Variants in FANK1 observed in about 807,000 individuals in gnomAD.
The protein encoded by FANK1 is fibronectin type III and ankyrin repeat domains 1.
FANK1 carries 44 observed loss-of-function variants against 45.3 expected under a neutral mutation model. The ratio of observed to expected loss-of-function variants is 0.97; its 90% confidence interval spans 0.76 to 1.25. FANK1 has a LOEUF of 1.25. Ranked by LOEUF, FANK1 falls within the 50% of genes most tolerant of loss-of-function variation. FANK1 has a pLI of 0.00. For missense variants in FANK1, 391 were observed against 424.4 expected (o/e 0.92, Z 0.69); for synonymous variants, 149 against 152.5 (o/e 0.98, Z 0.17).
In FANK1 at chr10:125,946,973, A is replaced by G. The variant is rs879690154; in HGVS notation, c.14-33188A>G. On this transcript the variant is annotated intron_variant, in intron 1 of 10. Coordinates refer to ENST00000368693, the MANE Select transcript of FANK1 (RefSeq NM_145235.5). ...GGGCCAATATTCAACATTCTTAAAG[A>G]AAAGAATTTTCAACCCAGAATTTCA... 4.1e-3 allele frequency among the ~76,000 whole-genome samples: 591 copies of G among 145,178 alleles called. 1 individual carries two copies. The highest frequency in any genetic ancestry group is 0.011 in the Middle Eastern group (3 of 284).
intron 1 of FANK1, among the ~76,000 whole-genome samples, chr10:125,901,181 CTT>C (rs928273124): frequency 6.6e-6 from 1 of 152,142 alleles, no homozygotes; most frequent in Non-Finnish European, 1.5e-5. Flanking sequence ...GGGACTGAGA[CTT>C]CTCTCTCCAA....
chr10:125,977,020 T>C (rs182835909), intron 1 of FANK1, among the ~76,000 whole-genome samples: 8 of 152,308 alleles, frequency 5.3e-5, no homozygotes, highest in Admixed American at 5.2e-4. Context: ...CATTTTACTG[T>C]GATTGTTCTT....
chr10:125,944,396 G>T (rs571816741), intron 1 of FANK1, among the ~76,000 whole-genome samples: 1 of 152,254 alleles, frequency 6.6e-6, no homozygotes, highest in East Asian at 1.9e-4. Flanking sequence ...AATCAATTGG[G>T]TGATTCCTAG....
chr10:126,003,488 A>G (rs1283881441), intron 6 of FANK1, among the ~76,000 whole-genome samples: 1 of 152,104 alleles, frequency 6.6e-6, no homozygotes, highest in Non-Finnish European at 1.5e-5. Flanking sequence ...TGTTACATCC[A>G]TTGGGAGGCC....
intron 1 of FANK1, among the ~76,000 whole-genome samples, chr10:125,898,744 A>G (rs1589743962): frequency 6.6e-6 from 1 of 152,148 alleles, no homozygotes; most frequent in Non-Finnish European, 1.5e-5. Flanking sequence ...TGTGAACTAT[A>G]CATTTATATC....
intron 2 of FANK1, among the ~76,000 whole-genome samples, chr10:125,981,403 G>A (rs1362001876): frequency 2.0e-5 from 3 of 151,698 alleles, no homozygotes; most frequent in South Asian, 4.2e-4. Flanking sequence ...GGGCTGAGGT[G>A]GGAGGATCAC....
At chr10:125,914,669 C>G (rs2134119898) in intron 1 of FANK1, among the ~76,000 whole-genome samples, 1 of 152,274 alleles carries the variant, frequency 6.6e-6, no homozygotes, top group South Asian at 2.1e-4. Flanking sequence ...CTTTTAATAT[C>G]AAATCTTCCT....
rs137903238 is a variant in FANK1, at chr10:125,915,007, C to T, written c.13+18352C>T. Among the ~76,000 whole-genome samples, 713 of 152,280 alleles carry T rather than the reference C, an allele frequency of 4.7e-3. 26 individuals carry two copies. The highest frequency in any genetic ancestry group is 0.043 in the Admixed American group (661 of 15,296). On this transcript the variant is annotated intron_variant, in intron 1 of 10. Transcript: ENST00000368693. ...GGTCGGGAGAGACTGGTAGATCCAG[C>T]ACTCCTATTCCTTGAGGCTGGTCAG...
At chr10:125,988,406 C>T in intron 2 of FANK1, 145 bp from the exon 3 acceptor site, 2 of 1,135,964 alleles carry the variant, frequency 1.8e-6, no homozygotes, top group Non-Finnish European at 2.5e-6. Flanking sequence ...GTCCTTCATT[C>T]TCTCGGAGTT....
intron 1 of FANK1, among the ~76,000 whole-genome samples, chr10:125,925,643 C>T (rs1233571395): frequency 6.6e-6 from 1 of 152,214 alleles, no homozygotes; most frequent in Non-Finnish European, 1.5e-5. Flanking sequence ...GTGATCCTCT[C>T]ACCTCTGCTT....
intron 1 of FANK1, among the ~76,000 whole-genome samples, chr10:125,954,585 T>C (rs1010876045): frequency 6.6e-6 from 1 of 152,196 alleles, no homozygotes; most frequent in Non-Finnish European, 1.5e-5. Context: ...ATGGATTTTT[T>C]TTTTCCTGTA....
chr10:125,935,452 G>T (rs1456432743), intron 1 of FANK1, among the ~76,000 whole-genome samples: 1 of 152,090 alleles, frequency 6.6e-6, no homozygotes, highest in African/African-American at 2.4e-5. Context: ...AGACAGCAGG[G>T]TTATCATCTA....
At chr10:125,952,947 A>C (rs541863524) in intron 1 of FANK1, among the ~76,000 whole-genome samples, 1 of 152,200 alleles carries the variant, frequency 6.6e-6, no homozygotes, top group African/African-American at 2.4e-5. Context: ...CCATAGGGAG[A>C]AAGCTCAGTG....
chr10:125,939,071 G>A (rs1327816987), intron 1 of FANK1, among the ~76,000 whole-genome samples: 1 of 152,056 alleles, frequency 6.6e-6, no homozygotes, highest in African/African-American at 2.4e-5. Context: ...TATTCTTTTT[G>A]CTAAAAGTGT....
chr10:125,916,610 A>G (rs112766695), intron 1 of FANK1, among the ~76,000 whole-genome samples: 18 of 152,222 alleles, frequency 1.2e-4, no homozygotes, highest in African/African-American at 4.1e-4. Context: ...TGGTATATAT[A>G]TACACTATAT....
chr10:125,948,762 A>T (rs531431856), intron 1 of FANK1, among the ~76,000 whole-genome samples: 1 of 151,806 alleles, frequency 6.6e-6, no homozygotes, highest in East Asian at 1.9e-4. Context: ...TCCCTAACTC[A>T]TTTTATGAGG....
At chr10:125,967,656 T>C (rs759435240) in intron 1 of FANK1, among the ~76,000 whole-genome samples, 16 of 152,210 alleles carry the variant, frequency 1.1e-4, no homozygotes, top group Non-Finnish European at 2.4e-4. Flanking sequence ...CAGGCTGGGA[T>C]GCAGTGGTAC....
At chr10:126,001,226 CTGAT>C (rs1952731998) in intron 6 of FANK1, among the ~76,000 whole-genome samples, 1 of 151,570 alleles carries the variant, frequency 6.6e-6, no homozygotes, top group South Asian at 2.1e-4. Context: ...CAATAATGGA[CTGAT>C]TGAAGTTATG....
intron 1 of FANK1, among the ~76,000 whole-genome samples, chr10:125,924,708 C>CT (rs1947213557): frequency 6.7e-6 from 1 of 148,850 alleles, no homozygotes; most frequent in East Asian, 2.0e-4. Context: ...ACTCAGGAGG[C>CT]TGAGGTGGGA....
Sources: allele counts gnomAD v4.1 joint callset (sites outside exome capture counted in the v4.1 genomes callset), GRCh38; gene constraint gnomAD v4.1.1; transcripts MANE v1.5; gene names NCBI Gene and HGNC (gene_info 2026-07-23, HGNC 2026-07-21).